Variants in PJA2 observed in about 807,000 individuals in gnomAD.
PJA2 encodes E3 ubiquitin-protein ligase Praja-2.
PJA2 carries 25 observed loss-of-function variants against 69.3 expected under a neutral mutation model. That is an observed-to-expected ratio of 0.36 (90% CI 0.26 to 0.50). The LOEUF is 0.50. Ranked by LOEUF, PJA2 falls within the 20% of genes least tolerant of loss-of-function variation. PJA2 has a pLI of 0.96. For missense variants in PJA2, 809 were observed against 830.2 expected (o/e 0.97, Z 0.31); for synonymous variants, 308 against 277.8 (o/e 1.11, Z -1.08).
At position 109,394,821 on chromosome 5, in the gene PJA2, C is replaced by G. The variant is rs1042471541; in HGVS notation, c.-87-11301G>C. ...ACAAGATCTCATGAAAATTCAACTT[C>G]TCAATTTCTGTTTCTAACAGTATGG... is the stretch of plus-strand genomic sequence containing the variant. On this transcript the variant is annotated intron_variant, in intron 1 of 9. Transcript: ENST00000361189. Among the ~76,000 whole-genome samples, 9 of 152,302 alleles carry G rather than the reference C, an allele frequency of 5.9e-5. 1 individual carries two copies. The highest frequency in any genetic ancestry group is 5.2e-4 in the Admixed American group (8 of 15,298).
rs1029935843 is a variant in PJA2, at chr5:109,343,905, G to A, written c.2001+285C>T. On this transcript the variant is annotated intron_variant, in intron 9 of 9. Transcript: ENST00000361189. ...GAGGTCAGGAGTTCGAGACCAGCCT[G>A]ACCAACATGGCGAAACTCTGTCTCT... Among the ~76,000 whole-genome samples, 11 of 152,194 alleles carry A rather than the reference G, an allele frequency of 7.2e-5. No individual in the cohort carries two copies. The East Asian group carries it at 1.2e-3, about 16-fold the overall frequency.
chr5:109,398,866 A>G (rs1157766519), intron 1 of PJA2, among the ~76,000 whole-genome samples: 1 of 152,194 alleles, frequency 6.6e-6, no homozygotes, highest in African/African-American at 2.4e-5. Flanking sequence ...CAGTACACTG[A>G]AGATTTGCTA....
chr5:109,386,517 C>T (rs762099545), intron 1 of PJA2, among the ~76,000 whole-genome samples: 1 of 152,114 alleles, frequency 6.6e-6, no homozygotes, highest in Admixed American at 6.5e-5. Flanking sequence ...TCTTCGGAGC[C>T]GTCTAACATC....
intron 3 of PJA2, among the ~76,000 whole-genome samples, chr5:109,380,430 A>G (rs1006458720): frequency 6.6e-6 from 1 of 152,160 alleles, no homozygotes; most frequent in African/African-American, 2.4e-5. Flanking sequence ...AGAAATTTTA[A>G]TTGAATAAGC....
chr5:109,355,118 C>T (rs1032689382), intron 7 of PJA2, among the ~76,000 whole-genome samples: 2 of 151,868 alleles, frequency 1.3e-5, no homozygotes, highest in Admixed American at 1.3e-4. Flanking sequence ...AGTGAGATCT[C>T]GTCTCAAAAA....
chr5:109,387,521 T>C (rs572053925), intron 1 of PJA2, among the ~76,000 whole-genome samples: 14 of 152,338 alleles, frequency 9.2e-5, no homozygotes, highest in African/African-American at 2.9e-4. Flanking sequence ...CTAACATGTT[T>C]ATAACAGACT....
chr5:109,382,882 A>G (rs917555974), intron 2 of PJA2, among the ~76,000 whole-genome samples: 2 of 152,122 alleles, frequency 1.3e-5, no homozygotes, highest in African/African-American at 4.8e-5. Flanking sequence ...TGAATGAATG[A>G]AACAGTTACA....
chr5:109,363,345 G>A (rs1346662659), intron 5 of PJA2, among the ~76,000 whole-genome samples: 1 of 152,178 alleles, frequency 6.6e-6, no homozygotes, highest in African/African-American at 2.4e-5. Context: ...TTGAAACAAT[G>A]CTCTTGAGTA....
chr5:109,379,218 G>A lies in PJA2; in HGVS notation c.269C>T (p.Pro90Leu). 6.2e-7 allele frequency: 1 copy of A among 1,611,890 alleles called. No homozygotes were observed. Among genetic ancestry groups the A allele is most frequent in the Non-Finnish European group, 8.5e-7 (1 of 1,179,182 alleles). Residue 90 changes from proline (P) to leucine (L), a missense_variant, in exon 4 of 10, where the codon CCC (proline) becomes CTC (leucine). By Grantham distance (98) the Pro-to-Leu change is moderately conservative. This residue lies in a region of PJA2 where 700 missense variants were observed against 639.5 expected (regional missense o/e 1.09). Coordinates refer to ENST00000361189, the MANE Select transcript of PJA2 (RefSeq NM_014819.5). Reference protein sequence around the residue: ...SPLDQVDSSLPSEPIFEKSET... With the variant: ...SPLDQVDSSLLSEPIFEKSET... ...ACTTTTTTCAAATATAGGTTCACTG[G>A]GTAAAGAAGAATCAACTTGATCCAA... is the stretch of plus-strand genomic sequence containing the variant.
chr5:109,384,360 TAAG>T (rs1343613928), intron 1 of PJA2, among the ~76,000 whole-genome samples: 1 of 152,308 alleles, frequency 6.6e-6, no homozygotes, highest in Middle Eastern at 3.4e-3. Flanking sequence ...TAATCCCAAA[TAAG>T]AACCTATTTT....
intron 4 of PJA2, among the ~76,000 whole-genome samples, chr5:109,375,850 A>G (rs1201440417): frequency 2.6e-5 from 4 of 152,178 alleles, no homozygotes; most frequent in African/African-American, 4.8e-5. Flanking sequence ...AGCTGGCACC[A>G]TATTAAAAAG....
intron 1 of PJA2, among the ~76,000 whole-genome samples, chr5:109,394,272 T>C (rs1416863887): frequency 6.6e-6 from 1 of 151,920 alleles, no homozygotes; most frequent in Admixed American, 6.6e-5. Flanking sequence ...GATCTCAAAC[T>C]CCTGACCTTA....
Position 109,379,254 on chromosome 5 carries a change from C to G in PJA2, c.233G>C (p.Gly78Ala). ...LDDVPKENSS[G>A]SSPLDQVDSS... is the part of the protein sequence containing the mutation. The stretch of plus-strand genomic sequence containing the variant: ...ATCAACTTGATCCAAAGGACTGGAA[C>G]CTTCATAAAAAACAAAAGAAAACAT... The change falls in exon 4 of 10, where the codon GGT becomes GCT. Residue 78 changes from glycine (G) to alanine (A), a missense_variant and splice_region_variant. Gly to Ala is a moderately conservative substitution (Grantham distance 60). Transcript: ENST00000361189. 6.4e-7 allele frequency: 1 copy of G among 1,573,198 alleles called. No individual in the cohort carries two copies. The highest frequency in any genetic ancestry group is 1.7e-4 in the Middle Eastern group (1 of 5,832).
intron 9 of PJA2, among the ~76,000 whole-genome samples, chr5:109,337,799 ATTTATGATTTGGTGTGAAT>A (rs1761974376): frequency 6.6e-6 from 1 of 151,894 alleles, no homozygotes; most frequent in Admixed American, 6.6e-5. Context: ...ACACCAAATC[ATTTATGATTTGGTGTGAAT>A]TAAAGAAGGT....
At chr5:109,372,040 A>C (rs1380321790) in intron 4 of PJA2, among the ~76,000 whole-genome samples, 8 of 152,236 alleles carry the variant, frequency 5.3e-5, no homozygotes, top group Non-Finnish European at 8.8e-5. Flanking sequence ...TCTTTTTTTA[A>C]CATTTTTTTA....
chr5:109,386,579 T>A (rs1176071661), intron 1 of PJA2, among the ~76,000 whole-genome samples: 2 of 152,216 alleles, frequency 1.3e-5, no homozygotes, highest in Non-Finnish European at 2.9e-5. Context: ...CAGCTACTTC[T>A]GTGGAAATCT....
rs747600045 is a variant in PJA2 at position 109,381,574 on chromosome 5, C to T, written c.161G>A (p.Arg54Lys). The T allele has an allele frequency of 6.2e-7, 1 of 1,614,114 alleles. No individual in the cohort carries two copies. The highest frequency in any genetic ancestry group is 2.2e-5 in the East Asian group (1 of 44,874). The change falls in exon 3 of 10, where the codon AGA becomes AAA. Residue 54 changes from arginine (R) to lysine (K), a missense_variant. Physicochemically the swap from Arg to Lys is conservative, Grantham distance 26. This residue lies in a region of PJA2 where 700 missense variants were observed against 639.5 expected (regional missense o/e 1.09). Transcript: ENST00000361189. ...SFKPCMTRHE[R>K]SLGRAGDDYE... ...GTCATCACCAGCCCGACCTAAGCTT[C>T]TTTCATGTCTGGTCATACATGGTTT...
intron 3 of PJA2, among the ~76,000 whole-genome samples, chr5:109,381,103 G>A (rs894728221): frequency 1.4e-5 from 2 of 148,052 alleles, no homozygotes; most frequent in South Asian, 4.2e-4. Context: ...AACAGAACGT[G>A]ACTCCATCTC....
chr5:109,402,849 A>G (rs950873128), intron 1 of PJA2, among the ~76,000 whole-genome samples: 1 of 152,152 alleles, frequency 6.6e-6, no homozygotes, highest in African/African-American at 2.4e-5. Flanking sequence ...AGCAACCTTC[A>G]TGGGTCAAAG....
Sources: gnomAD v4.1 joint callset for allele counts (sites outside exome capture counted in the v4.1 genomes callset) on GRCh38, gnomAD v4.1.1 for gene constraint, gnomAD v4.1.1 regional missense constraint, MANE v1.5 for transcripts, NCBI Gene and HGNC (gene_info 2026-07-23, HGNC 2026-07-21) for gene names.